Variants in CDKAL1 observed in about 807,000 individuals in gnomAD.
The protein encoded by CDKAL1 is threonylcarbamoyladenosine tRNA methylthiotransferase.
In CDKAL1, 32 loss-of-function variants were observed where a neutral mutation model predicts 68.2. The ratio of observed to expected loss-of-function variants is 0.47; its 90% CI spans 0.35 to 0.63. CDKAL1 has a LOEUF of 0.63. Among genes scored for constraint, CDKAL1 ranks in the 30% least tolerant of loss-of-function variants. The probability of loss-of-function intolerance (pLI) is 0.00; values close to 1 mark genes in which losing one functional copy is unlikely to be tolerated. For missense variants in CDKAL1, 606 were observed against 696.7 expected, an observed-to-expected ratio of 0.87 and a Z score of 1.47; for synonymous variants, 234 against 244.3, an observed-to-expected ratio of 0.96 and a Z score of 0.39.
chr6:21,021,338 T>C (rs1768653580), intron 11 of CDKAL1, among the ~76,000 whole-genome samples: 1 of 152,196 alleles, frequency 6.6e-6, no homozygotes, highest in Non-Finnish European at 1.5e-5. Context: ...CTTAAATGAT[T>C]GCTGCTACTT....
intron 9 of CDKAL1, among the ~76,000 whole-genome samples, chr6:20,914,336 A>G (rs961384653): frequency 2.6e-5 from 4 of 152,036 alleles, no homozygotes; most frequent in African/African-American, 9.7e-5. Context: ...CCCGCATGCC[A>G]TTTTCTCAGA....
At chr6:20,842,862 A>T (rs1778231321) in intron 8 of CDKAL1, among the ~76,000 whole-genome samples, 1 of 152,188 alleles carries the variant, frequency 6.6e-6, no homozygotes, top group South Asian at 2.1e-4. Flanking sequence ...TCAAAAAATT[A>T]TCATGTCAAC....
intron 13 of CDKAL1, among the ~76,000 whole-genome samples, chr6:21,142,547 C>T (rs1181610317): frequency 2.0e-5 from 3 of 152,114 alleles, no homozygotes; most frequent in Admixed American, 6.6e-5. Context: ...TAAGGACCCT[C>T]ATTGGCAGCA....
chr6:21,208,934 C>T (rs987412872), intron 15 of CDKAL1, among the ~76,000 whole-genome samples: 1 of 152,188 alleles, frequency 6.6e-6, no homozygotes, highest in Non-Finnish European at 1.5e-5. Flanking sequence ...TCAGAGCAAG[C>T]TGATGCTAAA....
intron 4 of CDKAL1, among the ~76,000 whole-genome samples, chr6:20,569,717 G>A (rs1246617723): frequency 6.6e-6 from 1 of 152,108 alleles, no homozygotes; most frequent in African/African-American, 2.4e-5. Context: ...ATTTTCCTTT[G>A]TGTGAAATTT....
At chr6:20,818,752 T>C (rs551003501) in intron 8 of CDKAL1, among the ~76,000 whole-genome samples, 2 of 151,012 alleles carry the variant, frequency 1.3e-5, no homozygotes, top group East Asian at 3.9e-4. Flanking sequence ...TAATTATATA[T>C]ATACACACAC....
chr6:21,135,598 T>G, intron 13 of CDKAL1: 1 of 664,984 alleles, frequency 1.5e-6, no homozygotes, highest in Non-Finnish European at 1.9e-6. Flanking sequence ...GACCATATGC[T>G]AGTTGACTAC....
At chr6:20,939,976 T>G (rs1763895686) in intron 9 of CDKAL1, among the ~76,000 whole-genome samples, 1 of 152,210 alleles carries the variant, frequency 6.6e-6, no homozygotes, top group Non-Finnish European at 1.5e-5. Flanking sequence ...CAGTAAGAAC[T>G]ACTAAATATT....
chr6:21,034,717 G>T (rs1769479804), intron 11 of CDKAL1, among the ~76,000 whole-genome samples: 1 of 152,150 alleles, frequency 6.6e-6, no homozygotes, highest in Non-Finnish European at 1.5e-5. Flanking sequence ...TGAATATAGG[G>T]TTAGTTTAGT....
Position 21,231,245 on chromosome 6 carries a change from C to G in CDKAL1, c.*206C>G, listed in dbSNP as rs1331721023. On this transcript the variant is annotated 3_prime_UTR_variant, in exon 16 of 16. Coordinates refer to ENST00000274695, the MANE Select transcript of CDKAL1 (RefSeq NM_017774.3). ...TATTTGACCTAAAACCTAATCACCG[C>G]TACCATAGCACATCCTTCAAATTAA... 7 of 412,752 alleles carry G rather than the reference C, an allele frequency of 1.7e-5. No individual in the cohort carries two copies. Among genetic ancestry groups the G allele is most frequent in the Non-Finnish European group, 3.0e-5 (7 of 232,730 alleles). 25.6% of individuals were successfully genotyped at this position (412,752 alleles called of 1,614,324 possible).
chr6:20,896,191 C>T (rs1761685471), intron 9 of CDKAL1, among the ~76,000 whole-genome samples: 1 of 149,556 alleles, frequency 6.7e-6, no homozygotes, highest in African/African-American at 2.5e-5. Flanking sequence ...GCCTCCGCCT[C>T]CCAGGTTCAA....
chr6:21,037,172 G>T (rs1472667498), intron 11 of CDKAL1, among the ~76,000 whole-genome samples: 1 of 152,174 alleles, frequency 6.6e-6, no homozygotes, highest in Non-Finnish European at 1.5e-5. Context: ...AAGTCAGGAA[G>T]TAGAAGGCCT....
chr6:20,871,017 G>T (rs114256047), intron 9 of CDKAL1, among the ~76,000 whole-genome samples: 1 of 152,062 alleles, frequency 6.6e-6, no homozygotes, highest in Non-Finnish European at 1.5e-5. Context: ...CTAATACTGC[G>T]CATTCCTCAA....
intron 10 of CDKAL1, chr6:20,993,471 A>C (rs1301837322): frequency 9.2e-5 from 14 of 152,194 alleles, no homozygotes; most frequent in African/African-American, 3.4e-4. Flanking sequence ...AACGCATCTC[A>C]ATGCAAGTGT....
At chr6:21,179,590 A>C (rs962522224) in intron 13 of CDKAL1, among the ~76,000 whole-genome samples, 7 of 152,308 alleles carry the variant, frequency 4.6e-5, no homozygotes, top group African/African-American at 1.4e-4. Context: ...ATATATTTGT[A>C]CAAAAATCAG....
chr6:21,062,749 G>A (rs1771211694), intron 11 of CDKAL1, among the ~76,000 whole-genome samples: 1 of 152,176 alleles, frequency 6.6e-6, no homozygotes, highest in Non-Finnish European at 1.5e-5. Flanking sequence ...AGTAGTGTGT[G>A]AAGAAAATAT....
At chr6:21,195,103 G>A (rs866972724) in intron 13 of CDKAL1, among the ~76,000 whole-genome samples, 2 of 151,866 alleles carry the variant, frequency 1.3e-5, no homozygotes, top group Non-Finnish European at 1.5e-5. Context: ...CAGTGGGGAC[G>A]GATTGCAGCA....
At chr6:20,727,454 G>C (rs1271216070) in intron 5 of CDKAL1, among the ~76,000 whole-genome samples, 1 of 152,170 alleles carries the variant, frequency 6.6e-6, no homozygotes, top group African/African-American at 2.4e-5. Context: ...ATACAGAGAA[G>C]AGTCTTGTTA....
intron 9 of CDKAL1, among the ~76,000 whole-genome samples, chr6:20,871,288 A>C (rs1183017838): frequency 2.6e-5 from 4 of 152,184 alleles, no homozygotes; most frequent in African/African-American, 9.6e-5. Flanking sequence ...TGTGTGTCTA[A>C]TAATTACCAT....
Sources: gnomAD v4.1 joint callset for allele counts (sites outside exome capture counted in the v4.1 genomes callset) on GRCh38, gnomAD v4.1.1 for gene constraint, MANE v1.5 for transcripts, NCBI Gene and HGNC (gene_info 2026-07-23, HGNC 2026-07-21) for gene names.